The following MRPL13 variants were observed in gnomAD, a reference collection of about 807,000 sequenced individuals.
MRPL13 encodes the protein large ribosomal subunit protein uL13m.
Under a neutral mutation model 29.0 loss-of-function variants are expected in MRPL13, and 33 were observed. The ratio of observed to expected loss-of-function variants is 1.14; its 90% CI spans 0.86 to 1.52. MRPL13 has a LOEUF of 1.52. MRPL13 is among the 40% of genes most tolerant of loss of function. MRPL13 has a pLI of 0.00. For missense variants in MRPL13, 227 were observed against 216.7 expected (o/e 1.05, Z -0.30); for synonymous variants, 77 against 68.4 (o/e 1.13, Z -0.62).
intron 3 of MRPL13, among the ~76,000 whole-genome samples, chr8:120,427,585 A>G (rs568845084): frequency 6.6e-6 from 1 of 152,308 alleles, no homozygotes; most frequent in South Asian, 2.1e-4. Context: ...CAACTGCCAC[A>G]AAAAGAATAA....
rs1263066008 is a variant in MRPL13, at chr8:120,419,885, T to C, written c.360A>G (p.Thr120=). 6.3e-7 allele frequency: 1 copy of C among 1,594,314 alleles called. No homozygotes were observed. Among genetic ancestry groups the C allele is most frequent in the African/African-American group, 1.3e-5 (1 of 74,222 alleles). ...GMLPKNLHRR[T]MMERLHLFPD... is the part of the protein sequence containing the mutation. ...GAAAAAGATGCAACCTTTCCATCAT[T>C]GTTCTTCTGTGAAGGTTTTTTGGCA... is the stretch of plus-strand genomic sequence containing the variant. Residue 120 remains threonine (T), a synonymous_variant, in exon 5 of 7, where the codon ACA becomes ACG. Transcript: ENST00000306185.
chr8:120,400,109 T>C (rs1479944840), intron 6 of MRPL13, among the ~76,000 whole-genome samples: 3 of 152,186 alleles, frequency 2.0e-5, no homozygotes, highest in Admixed American at 6.5e-5. Context: ...ATTCAGGACC[T>C]GAACTCAGCT....
At position 120,414,090 on chromosome 8, in the gene MRPL13, T is replaced by G. The variant is rs1812774058; in HGVS notation, c.416A>C (p.Lys139Thr). The G allele has an allele frequency of 6.3e-7, 1 of 1,588,484 alleles. No homozygotes were observed. The highest frequency in any genetic ancestry group is 8.5e-7 in the Non-Finnish European group (1 of 1,170,816). Residue 139 changes from lysine (K) to threonine (T), a missense_variant, in exon 6 of 7, where the codon AAG (lysine) becomes ACG (threonine). Physicochemically the swap from Lys to Thr is moderately conservative, Grantham distance 78 (BLOSUM62 -1). Transcript: ENST00000306185. The stretch of plus-strand genomic sequence containing the variant: ...TTGAGGAAGCTCCTCTACTAAATTC[T>G]TAAGAATATCTTCTGGAATATACTA... ...PDEYIPEDIL[K>T]NLVEELPQPR...
chr8:120,420,060 T>C (rs998531272), intron 4 of MRPL13, 122 bp from the exon 5 acceptor site: 10 of 510,534 alleles, frequency 2.0e-5, no homozygotes, highest in African/African-American at 1.8e-4. Context: ...AGGAAAGAAA[T>C]AGACCTAAGT....
At chr8:120,418,619 G>A (rs376858034) in intron 5 of MRPL13, among the ~76,000 whole-genome samples, 15 of 151,544 alleles carry the variant, frequency 9.9e-5, no homozygotes, top group African/African-American at 2.9e-4. Flanking sequence ...CCTATTTAAC[G>A]GAACTATCGT....
At chr8:120,426,507 T>A (rs1052914228) in intron 3 of MRPL13, among the ~76,000 whole-genome samples, 1 of 152,102 alleles carries the variant, frequency 6.6e-6, no homozygotes, top group Admixed American at 6.5e-5. Flanking sequence ...TGGAAAAAAA[T>A]ATTTTACAAT....
chr8:120,421,892 T>G (rs1398869001), intron 4 of MRPL13, among the ~76,000 whole-genome samples: 2 of 151,806 alleles, frequency 1.3e-5, no homozygotes, highest in African/African-American at 4.8e-5. Context: ...AAGTATAATT[T>G]ATTGTTAACA....
At chr8:120,412,476 T>G (rs1392518004) in intron 6 of MRPL13, among the ~76,000 whole-genome samples, 1 of 152,148 alleles carries the variant, frequency 6.6e-6, no homozygotes, top group African/African-American at 2.4e-5. Flanking sequence ...TGGCTCTAAT[T>G]TACAACTGAA....
Position 120,443,017 on chromosome 8 carries a change from T to C in MRPL13, c.151+168A>G, listed in dbSNP as rs545821996. 5.3e-5 allele frequency among the ~76,000 whole-genome samples: 8 copies of C among 152,218 alleles called. No homozygotes were observed. The South Asian group carries it at 1.7e-3, about 32-fold the overall frequency. ...CTGATCCATACGGTTTTCCAGTGAA[T>C]AAGCCAAATTCAGTTTTGGGCGCTA... is the stretch of plus-strand genomic sequence containing the variant. On this transcript the variant is annotated intron_variant, in intron 2 of 6. Transcript: ENST00000306185.
intron 4 of MRPL13, among the ~76,000 whole-genome samples, chr8:120,422,055 A>C (rs1184234958): frequency 6.6e-6 from 1 of 151,776 alleles, no homozygotes; most frequent in Non-Finnish European, 1.5e-5. Flanking sequence ...GCAAATTCTG[A>C]GCACAGTTTT....
At chr8:120,419,744 T>A (rs2130467688) in intron 5 of MRPL13, 108 bp downstream of exon 5, 1 of 654,222 alleles carries the variant, frequency 1.5e-6, no homozygotes, top group South Asian at 2.5e-5. Flanking sequence ...ATTTCAGAAG[T>A]TGACATAAAA....
intron 1 of MRPL13, 113 bp downstream of exon 1, chr8:120,444,954 GC>G: frequency 7.0e-7 from 1 of 1,419,898 alleles, no homozygotes; most frequent in East Asian, 2.3e-5. Context: ...TCACCTCTTG[GC>G]CGAGGGTCTC....
At chr8:120,438,197 A>G (rs1214101081) in intron 2 of MRPL13, among the ~76,000 whole-genome samples, 1 of 152,010 alleles carries the variant, frequency 6.6e-6, no homozygotes, top group Non-Finnish European at 1.5e-5. Context: ...CCATGTCTCT[A>G]CGAAAACTAC....
At chr8:120,430,948 A>T (rs1420195302) in intron 3 of MRPL13, among the ~76,000 whole-genome samples, 6 of 152,168 alleles carry the variant, frequency 3.9e-5, no homozygotes, top group African/African-American at 1.4e-4. Flanking sequence ...CTGATTTTTA[A>T]TATTTCTTTC....
intron 6 of MRPL13, 111 bp downstream of exon 6, chr8:120,413,880 A>G: frequency 7.7e-7 from 1 of 1,305,638 alleles, no homozygotes; most frequent in Non-Finnish European, 9.9e-7. Flanking sequence ...TTCCCAGGGG[A>G]GCAAAAAAAT....
At chr8:120,432,360 A>ATT in intron 2 of MRPL13, among the ~76,000 whole-genome samples, 1 of 152,084 alleles carries the variant, frequency 6.6e-6, no homozygotes, top group Non-Finnish European at 1.5e-5. Context: ...AGTAAAAGAA[A>ATT]TTTAATAAGG....
chr8:120,438,005 T>G (rs1225858991), intron 2 of MRPL13, among the ~76,000 whole-genome samples: 2 of 152,312 alleles, frequency 1.3e-5, no homozygotes, highest in South Asian at 2.1e-4. Flanking sequence ...GTTTGCAATT[T>G]AAGTTTTGAT....
chr8:120,412,103 T>A (rs1035058824), intron 6 of MRPL13, among the ~76,000 whole-genome samples: 2 of 152,136 alleles, frequency 1.3e-5, no homozygotes, highest in African/African-American at 4.8e-5. Context: ...TAACAGCAAC[T>A]TTATTATTTC....
At chr8:120,401,379 A>C (rs1812595438) in intron 6 of MRPL13, among the ~76,000 whole-genome samples, 1 of 152,198 alleles carries the variant, frequency 6.6e-6, no homozygotes, top group Non-Finnish European at 1.5e-5. Flanking sequence ...ATTCATCAAC[A>C]TAAAAAGAAC....
Sources: allele counts gnomAD v4.1 joint callset (sites outside exome capture counted in the v4.1 genomes callset), GRCh38; gene constraint gnomAD v4.1.1; transcripts MANE v1.5; gene names NCBI Gene and HGNC (gene_info 2026-07-23, HGNC 2026-07-21).